CGNL1: variants seen among roughly 807,000 people sequenced by gnomAD.
The protein encoded by CGNL1 is cingulin like 1.
CGNL1 carries 132 observed loss-of-function variants against 141.2 expected under a neutral mutation model. The observed-to-expected ratio is 0.93, with a 90% CI of 0.81 to 1.08. The LOEUF (loss-of-function observed/expected upper bound fraction) is 1.08, where lower values mean the gene tolerates loss of function less well. Among genes scored for constraint, CGNL1 ranks in the 50% least tolerant of loss-of-function variants. The probability of loss-of-function intolerance (pLI) is 0.00; values close to 1 mark genes in which losing one functional copy is unlikely to be tolerated. For missense variants in CGNL1, 1,870 were observed against 1,588.6 expected, an observed-to-expected ratio of 1.18 and a Z score of -3.01; for synonymous variants, 690 against 622.1, an observed-to-expected ratio of 1.11 and a Z score of -1.63.
chr15:57,432,748 A>G (rs568606425), intron 1 of CGNL1, among the ~76,000 whole-genome samples: 2 of 152,348 alleles, frequency 1.3e-5, no homozygotes, highest in East Asian at 3.9e-4. Context: ...GGAAATCCAC[A>G]TTTGCTTAAG....
intron 4 of CGNL1, among the ~76,000 whole-genome samples, chr15:57,449,887 T>C (rs1697933918): frequency 6.6e-6 from 1 of 152,230 alleles, no homozygotes; most frequent in Non-Finnish European, 1.5e-5. Context: ...GATGGATTGG[T>C]AGTTCATTTC....
At chr15:57,497,150 T>C (rs1334974296) in intron 8 of CGNL1, among the ~76,000 whole-genome samples, 2 of 152,216 alleles carry the variant, frequency 1.3e-5, no homozygotes, top group African/African-American at 4.8e-5. Context: ...AGGGATCTTC[T>C]GGCAGGTCTC....
At chr15:57,473,044 G>C (rs75451877) in intron 8 of CGNL1, among the ~76,000 whole-genome samples, 18,526 of 152,118 alleles carry the variant, frequency 0.12, 1,434 homozygotes, top group Admixed American at 0.19. Context: ...AAGGAGCTAT[G>C]GCTACTCACT....
chr15:57,442,411 A>G lies in CGNL1; in HGVS notation c.1736A>G (p.Asn579Ser), dbSNP rs1198987436. Residue 579 changes from asparagine (N) to serine (S), a missense_variant, in exon 4 of 19, where the codon AAC becomes AGC. Asn to Ser is a conservative substitution (Grantham distance 46, BLOSUM62 1). Transcript: ENST00000281282. The stretch of plus-strand genomic sequence containing the variant: ...GACGATGCTACTAAAAGGAAAGTCA[A>G]CTTGGTCTTTGAGAAAATCCAGACC... ...DNDDATKRKV[N>S]LVFEKIQTLK... 1.9e-6 allele frequency: 3 copies of G among 1,613,768 alleles called. No homozygotes were observed. The highest frequency in any genetic ancestry group is 2.5e-6 in the Non-Finnish European group (3 of 1,179,748).
intron 1 of CGNL1, among the ~76,000 whole-genome samples, chr15:57,388,185 G>A (rs1193570430): frequency 6.6e-6 from 1 of 152,218 alleles, no homozygotes; most frequent in Non-Finnish European, 1.5e-5. Flanking sequence ...CTTAGGGTCT[G>A]AGAGCTGGAG....
At chr15:57,498,578 T>A (rs1337264363) in intron 8 of CGNL1, among the ~76,000 whole-genome samples, 3 of 152,184 alleles carry the variant, frequency 2.0e-5, no homozygotes, top group Admixed American at 6.5e-5. Flanking sequence ...GGCCAGACAC[T>A]GTATTAAGCC....
Position 57,518,377 on chromosome 15 carries a change from C to T in CGNL1, c.2611-16C>T. On this transcript the variant is annotated splice_polypyrimidine_tract_variant and intron_variant, in intron 9 of 18. Transcript: ENST00000281282. ...GCACACATCTAAGTGCACACTGACC[C>T]AGTGTTTCATTGTAGGGAGAAATAC... The T allele has an allele frequency of 7.6e-6, 12 of 1,583,660 alleles. No homozygotes were observed. Among genetic ancestry groups the T allele is most frequent in the South Asian group, 1.1e-5 (1 of 89,832 alleles).
intron 1 of CGNL1, among the ~76,000 whole-genome samples, chr15:57,388,573 C>T (rs2062509168): frequency 6.6e-6 from 1 of 152,218 alleles, no homozygotes; most frequent in Non-Finnish European, 1.5e-5. Context: ...CACGACTGTA[C>T]TGACACTTCA....
At chr15:57,423,142 G>A (rs1397556456) in intron 1 of CGNL1, among the ~76,000 whole-genome samples, 3 of 152,100 alleles carry the variant, frequency 2.0e-5, no homozygotes, top group African/African-American at 7.2e-5. Flanking sequence ...TTCTGCAACT[G>A]GTTTTTGTTA....
intron 14 of CGNL1, among the ~76,000 whole-genome samples, chr15:57,540,526 C>T (rs372366887): frequency 8.5e-5 from 13 of 152,196 alleles, no homozygotes; most frequent in African/African-American, 2.7e-4. Flanking sequence ...GTGGGAACTA[C>T]AATTTAAGAT....
At chr15:57,518,369 C>G in intron 9 of CGNL1, 24 bp from the exon 10 acceptor site, 1 of 1,551,662 alleles carries the variant, frequency 6.4e-7, no homozygotes, top group Non-Finnish European at 8.9e-7. Flanking sequence ...TCTAAGTGCA[C>G]ACTGACCCAG....
At chr15:57,538,855 T>C (rs1165826131) in intron 14 of CGNL1, among the ~76,000 whole-genome samples, 1 of 152,168 alleles carries the variant, frequency 6.6e-6, no homozygotes, top group Admixed American at 6.5e-5. Flanking sequence ...TTGAGAGTCC[T>C]AGGTCCTACA....
intron 6 of CGNL1, among the ~76,000 whole-genome samples, chr15:57,452,847 C>T (rs1050843058): frequency 7.9e-5 from 12 of 152,044 alleles, no homozygotes; most frequent in Admixed American, 3.9e-4. Flanking sequence ...TCTGTGGACA[C>T]GACAGAAGCC....
At chr15:57,472,221 T>C (rs970752691) in intron 8 of CGNL1, among the ~76,000 whole-genome samples, 4 of 152,026 alleles carry the variant, frequency 2.6e-5, no homozygotes, top group Admixed American at 2.6e-4. Flanking sequence ...ATCCAGAGAC[T>C]GGTCCAAGCA....
intron 6 of CGNL1, among the ~76,000 whole-genome samples, chr15:57,453,176 C>T (rs1380409599): frequency 6.6e-5 from 10 of 152,102 alleles, no homozygotes; most frequent in Admixed American, 3.9e-4. Flanking sequence ...ATACTCAGCT[C>T]TGCCATTGTG....
intron 10 of CGNL1, among the ~76,000 whole-genome samples, chr15:57,519,557 C>T (rs2031099316): frequency 6.6e-6 from 1 of 152,168 alleles, no homozygotes; most frequent in African/African-American, 2.4e-5. Context: ...ATAGTAAAGT[C>T]CCAATTTTTC....
intron 8 of CGNL1, among the ~76,000 whole-genome samples, chr15:57,474,869 G>A (rs1187806932): frequency 6.6e-6 from 1 of 152,188 alleles, no homozygotes; most frequent in African/African-American, 2.4e-5. Flanking sequence ...TTTATTCCAT[G>A]TACAGTGAAA....
intron 14 of CGNL1, among the ~76,000 whole-genome samples, chr15:57,542,324 A>G (rs1405840928): frequency 1.3e-5 from 2 of 152,158 alleles, no homozygotes; most frequent in African/African-American, 4.8e-5. Flanking sequence ...TTTCATCCTT[A>G]AGAAGGAAAA....
At chr15:57,519,903 G>A (rs577122649) in intron 10 of CGNL1, among the ~76,000 whole-genome samples, 8 of 152,310 alleles carry the variant, frequency 5.3e-5, no homozygotes, top group Admixed American at 2.0e-4. Flanking sequence ...TCACACATAC[G>A]GAAGTGGTTC....
Sources: gnomAD v4.1 joint callset for allele counts (sites outside exome capture counted in the v4.1 genomes callset) on GRCh38, gnomAD v4.1.1 for gene constraint, MANE v1.5 for transcripts, NCBI Gene and HGNC (gene_info 2026-07-23, HGNC 2026-07-21) for gene names.